The following ZCCHC7 variants were observed in gnomAD, a reference collection of about 807,000 sequenced individuals.
The protein encoded by ZCCHC7 is zinc finger CCHC domain-containing protein 7.
A neutral mutation model predicts 52.0 loss-of-function variants in ZCCHC7; 35 were observed. The ratio of observed to expected loss-of-function variants is 0.67; its 90% CI spans 0.51 to 0.89. The LOEUF (loss-of-function observed/expected upper bound fraction) is 0.89, where lower values mean the gene tolerates loss of function less well. ZCCHC7 is among the 40% of genes least tolerant of loss of function. The probability of loss-of-function intolerance (pLI) is 0.00; values close to 1 mark genes in which losing one functional copy is unlikely to be tolerated. For missense variants in ZCCHC7, 574 were observed against 649.1 expected, an observed-to-expected ratio of 0.88 and a Z score of 1.26; for synonymous variants, 217 against 221.5, an observed-to-expected ratio of 0.98 and a Z score of 0.18.
intron 2 of ZCCHC7, among the ~76,000 whole-genome samples, chr9:37,135,403 CAA>C (rs1020437105): frequency 1.3e-5 from 2 of 151,886 alleles, no homozygotes; most frequent in Non-Finnish European, 2.9e-5. Context: ...TTAGGTTTAG[CAA>C]AAAATTAATA....
chr9:37,215,129 A>G (rs1824436504), intron 2 of ZCCHC7, among the ~76,000 whole-genome samples: 1 of 152,136 alleles, frequency 6.6e-6, no homozygotes, highest in African/African-American at 2.4e-5. Flanking sequence ...AAATACCACT[A>G]TTTAATTACC....
intron 2 of ZCCHC7, among the ~76,000 whole-genome samples, chr9:37,281,968 C>T (rs977455588): frequency 2.6e-5 from 4 of 152,148 alleles, no homozygotes; most frequent in East Asian, 1.9e-4. Context: ...CCTGCTCCCA[C>T]GTATGGTTCC....
At chr9:37,205,208 G>A (rs185101793) in intron 2 of ZCCHC7, 261 of 379,544 alleles carry the variant, frequency 6.9e-4, no homozygotes, top group Admixed American at 6.7e-3. Flanking sequence ...CAGCGTGCAG[G>A]GTAACATTGT....
intron 2 of ZCCHC7, among the ~76,000 whole-genome samples, chr9:37,166,445 C>A (rs1233445118): frequency 1.3e-5 from 2 of 151,580 alleles, no homozygotes; most frequent in Non-Finnish European, 2.9e-5. Context: ...CCACTTTTCT[C>A]ATTTTTTTTC....
chr9:37,173,626 G>A (rs1331438176), intron 2 of ZCCHC7, among the ~76,000 whole-genome samples: 1 of 152,084 alleles, frequency 6.6e-6, no homozygotes, highest in African/African-American at 2.4e-5. Flanking sequence ...TTTTGGGGGA[G>A]ATCATTAAAG....
At chr9:37,317,989 G>T (rs947715152) in intron 5 of ZCCHC7, among the ~76,000 whole-genome samples, 3 of 151,734 alleles carry the variant, frequency 2.0e-5, no homozygotes, top group African/African-American at 7.3e-5. Context: ...TATAAAGAAA[G>T]GAAAATAATA....
At chr9:37,327,913 G>A in intron 6 of ZCCHC7, 79 bp downstream of exon 6, 1 of 1,426,212 alleles carries the variant, frequency 7.0e-7, no homozygotes, top group Non-Finnish European at 9.8e-7. Flanking sequence ...ATAAAATATA[G>A]ACAAGCATCT....
chr9:37,139,788 A>T (rs775725818), intron 2 of ZCCHC7, among the ~76,000 whole-genome samples: 1 of 151,976 alleles, frequency 6.6e-6, no homozygotes, highest in Non-Finnish European at 1.5e-5. Context: ...CTTAAGAGGT[A>T]TTTATTAAGG....
At chr9:37,265,092 A>G (rs1389085490) in intron 2 of ZCCHC7, among the ~76,000 whole-genome samples, 4 of 152,170 alleles carry the variant, frequency 2.6e-5, no homozygotes, top group Non-Finnish European at 5.9e-5. Flanking sequence ...AACTACATCT[A>G]TCCATTTAGC....
intron 2 of ZCCHC7, among the ~76,000 whole-genome samples, chr9:37,267,678 T>C (rs2133479757): frequency 6.7e-6 from 1 of 149,480 alleles, no homozygotes; most frequent in Admixed American, 6.7e-5. Context: ...CACGCCAGTC[T>C]CCTGCCTCAG....
intron 2 of ZCCHC7, among the ~76,000 whole-genome samples, chr9:37,216,881 G>A (rs1347375044): frequency 6.6e-6 from 1 of 151,956 alleles, no homozygotes; most frequent in Non-Finnish European, 1.5e-5. Flanking sequence ...ATGTTCTTAA[G>A]TAGTTTTGAC....
chr9:37,281,308 A>T (rs1241444247), intron 2 of ZCCHC7, among the ~76,000 whole-genome samples: 1 of 152,198 alleles, frequency 6.6e-6, no homozygotes, highest in Non-Finnish European at 1.5e-5. Flanking sequence ...GAGCCACCAC[A>T]CCTGCCCTCT....
intron 2 of ZCCHC7, among the ~76,000 whole-genome samples, chr9:37,180,157 T>C (rs2133042655): frequency 6.6e-6 from 1 of 152,324 alleles, no homozygotes; most frequent in South Asian, 2.1e-4. Context: ...TTTGATATTC[T>C]ATAAATGTAA....
At chr9:37,195,659 TAGGG>T (rs1823254164) in intron 2 of ZCCHC7, among the ~76,000 whole-genome samples, 1 of 152,058 alleles carries the variant, frequency 6.6e-6, no homozygotes, top group Admixed American at 6.6e-5. Context: ...GAAGAATAGA[TAGGG>T]AGAACAGTTT....
At chr9:37,344,499 C>T (rs934590081) in intron 6 of ZCCHC7, among the ~76,000 whole-genome samples, 2 of 152,146 alleles carry the variant, frequency 1.3e-5, no homozygotes, top group Non-Finnish European at 2.9e-5. Flanking sequence ...TTCAAATCCT[C>T]AAATTTGGTA....
At chr9:37,281,005 T>C (rs944912991) in intron 2 of ZCCHC7, among the ~76,000 whole-genome samples, 10 of 152,166 alleles carry the variant, frequency 6.6e-5, no homozygotes, top group Non-Finnish European at 1.5e-4. Flanking sequence ...GGCAGGTAAA[T>C]AGAGTCATAT....
At chr9:37,311,599 G>A (rs1442217421) in intron 5 of ZCCHC7, among the ~76,000 whole-genome samples, 3 of 152,088 alleles carry the variant, frequency 2.0e-5, no homozygotes, top group African/African-American at 7.2e-5. Context: ...TAGTAGAGGT[G>A]TGGTTTCACT....
intron 2 of ZCCHC7, among the ~76,000 whole-genome samples, chr9:37,220,528 T>G (rs1824754040): frequency 6.6e-6 from 1 of 152,138 alleles, no homozygotes; most frequent in Non-Finnish European, 1.5e-5. Flanking sequence ...GGTGACAGAA[T>G]AAGACTCCGT....
chr9:37,336,249 G>A (rs562888377), intron 6 of ZCCHC7, among the ~76,000 whole-genome samples: 1 of 152,104 alleles, frequency 6.6e-6, no homozygotes, highest in African/African-American at 2.4e-5. Flanking sequence ...TCTCAGATAC[G>A]TCCAGCGAAA....
Sources: allele counts gnomAD v4.1 joint callset (sites outside exome capture counted in the v4.1 genomes callset), GRCh38; gene constraint gnomAD v4.1.1; transcripts MANE v1.5; gene names NCBI Gene and HGNC (gene_info 2026-07-23, HGNC 2026-07-21).